Variants in TANC2 observed in about 807,000 individuals in gnomAD.
TANC2 encodes tetratricopeptide repeat, ankyrin repeat and coiled-coil containing 2.
TANC2 carries 26 observed loss-of-function variants against 210.5 expected under a neutral mutation model. That is an observed-to-expected ratio of 0.12 (90% confidence interval 0.09 to 0.17). The LOEUF (loss-of-function observed/expected upper bound fraction) is 0.17, where lower values mean the gene tolerates loss of function less well. Among genes scored for constraint, TANC2 ranks in the 10% least tolerant of loss-of-function variants. The pLI, the probability that TANC2 is intolerant of heterozygous loss-of-function variation, is 1.00. For missense variants in TANC2, 2,129 were observed against 2,608.9 expected (o/e 0.82, Z 4.01); for synonymous variants, 931 against 967.1 (o/e 0.96, Z 0.69).
At chr17:63,096,147 G>C (rs1260210334) in intron 3 of TANC2, among the ~76,000 whole-genome samples, 1 of 152,020 alleles carries the variant, frequency 6.6e-6, no homozygotes, top group Non-Finnish European at 1.5e-5. Context: ...ATCAATGTCA[G>C]ATATATTCAT....
intron 1 of TANC2, among the ~76,000 whole-genome samples, chr17:63,003,675 G>A (rs1007791718): frequency 6.6e-6 from 1 of 152,150 alleles, no homozygotes; most frequent in Non-Finnish European, 1.5e-5. Flanking sequence ...CAGATAAAGG[G>A]GGACTACTGT....
At chr17:63,146,741 A>G (rs1158561421) in intron 4 of TANC2, among the ~76,000 whole-genome samples, 2 of 152,098 alleles carry the variant, frequency 1.3e-5, no homozygotes, top group Non-Finnish European at 2.9e-5. Context: ...TTCTTTGACT[A>G]GATATACTTC....
chr17:63,107,415 A>G (rs892077499), intron 4 of TANC2, among the ~76,000 whole-genome samples: 6 of 151,736 alleles, frequency 4.0e-5, no homozygotes, highest in African/African-American at 1.5e-4. Flanking sequence ...TGCAGATACA[A>G]TTCATGAAGT....
intron 4 of TANC2, among the ~76,000 whole-genome samples, chr17:63,132,945 A>C (rs2038967224): frequency 6.6e-6 from 1 of 152,232 alleles, no homozygotes; most frequent in East Asian, 1.9e-4. Flanking sequence ...CACAATGTTC[A>C]CATATATGCA....
chr17:63,391,072 CT>C (rs1390426754), intron 17 of TANC2: 12 of 152,342 alleles, frequency 7.9e-5, no homozygotes, highest in African/African-American at 2.9e-4. Flanking sequence ...CTCCTCTACA[CT>C]CTTAACCCAC....
chr17:63,389,642 A>G, intron 17 of TANC2, 98 bp downstream of exon 17: 2 of 1,198,178 alleles, frequency 1.7e-6, no homozygotes, highest in South Asian at 1.3e-5. Context: ...GTCTGGGTAG[A>G]GTATATCAAA....
intron 1 of TANC2, among the ~76,000 whole-genome samples, chr17:62,973,274 G>A (rs749217735): frequency 1.3e-4 from 19 of 151,976 alleles, no homozygotes; most frequent in Non-Finnish European, 2.2e-4. Context: ...TCGAATGATC[G>A]GCCCGTCTCA....
At chr17:62,986,417 T>A (rs191638184) in intron 1 of TANC2, among the ~76,000 whole-genome samples, 1 of 152,238 alleles carries the variant, frequency 6.6e-6, no homozygotes, top group East Asian at 1.9e-4. Context: ...TTGGCTGACC[T>A]GGGGATGTGT....
chr17:63,045,451 C>G (rs2035341299), intron 2 of TANC2, among the ~76,000 whole-genome samples: 1 of 152,110 alleles, frequency 6.6e-6, no homozygotes, highest in African/African-American at 2.4e-5. Flanking sequence ...CTTTTTTATA[C>G]TACGTGTTAT....
At chr17:63,256,062 C>T (rs182030258) in intron 8 of TANC2, among the ~76,000 whole-genome samples, 2 of 151,936 alleles carry the variant, frequency 1.3e-5, no homozygotes, top group African/African-American at 4.8e-5. Flanking sequence ...CCCACCACCA[C>T]GCCTGGCTAA....
chr17:63,098,376 A>T (rs1286580470), intron 3 of TANC2, among the ~76,000 whole-genome samples: 1 of 149,760 alleles, frequency 6.7e-6, no homozygotes, highest in East Asian at 2.0e-4. Context: ...TGGGCTTTTA[A>T]CAAAAGTGTT....
intron 13 of TANC2, among the ~76,000 whole-genome samples, chr17:63,354,556 C>G (rs1007755907): frequency 6.6e-6 from 1 of 152,160 alleles, no homozygotes; most frequent in Non-Finnish European, 1.5e-5. Flanking sequence ...CAAAAGCACT[C>G]TTTACAAAGA....
chr17:63,247,890 G>A (rs755870777), intron 8 of TANC2, among the ~76,000 whole-genome samples: 5 of 152,056 alleles, frequency 3.3e-5, no homozygotes, highest in Non-Finnish European at 7.4e-5. Context: ...TTTGTATTAG[G>A]TTGTTTTTTG....
intron 5 of TANC2, among the ~76,000 whole-genome samples, chr17:63,191,812 A>T (rs1227433463): frequency 6.6e-6 from 1 of 152,206 alleles, no homozygotes; most frequent in African/African-American, 2.4e-5. Flanking sequence ...ATTTTAAAAT[A>T]GGAAATGAAA....
At chr17:63,363,511 C>G (rs2047023629) in intron 14 of TANC2, among the ~76,000 whole-genome samples, 1 of 152,228 alleles carries the variant, frequency 6.6e-6, no homozygotes, top group East Asian at 1.9e-4. Flanking sequence ...TTTAAGTTTG[C>G]AATCCATTTT....
rs985703072 is a variant in TANC2 at position 63,421,190 on chromosome 17, G to A, written c.5460G>A (p.Glu1820=). ...TCTGTCACTCAAAACTAGATCTGGA[G>A]CGCTCCTCCAGCCAACTAGGTTCCC... Residue 1820 remains glutamate, a synonymous_variant, in exon 28 of 28, where the codon GAG becomes GAA. Coordinates refer to ENST00000689528, the Ensembl canonical transcript of TANC2. This position sits in a 1 kb window ranked among gnomAD's most constrained non-coding sequence, Gnocchi z 6.9. The A allele has an allele frequency of 9.9e-6, 16 of 1,613,872 alleles. No homozygotes were observed. The African/African-American group carries it at 2.1e-4, about 22-fold the overall frequency.
At chr17:62,983,021 G>A (rs900868066) in intron 1 of TANC2, among the ~76,000 whole-genome samples, 1 of 152,146 alleles carries the variant, frequency 6.6e-6, no homozygotes, top group African/African-American at 2.4e-5. Flanking sequence ...TATTTTGGTA[G>A]GGATTCTATT....
intron 9 of TANC2, among the ~76,000 whole-genome samples, chr17:63,273,139 T>A (rs920473151): frequency 3.0e-4 from 45 of 151,914 alleles, no homozygotes; most frequent in African/African-American, 1.0e-3. Flanking sequence ...TACAAAAAAA[T>A]TTAAAAATTA....
Position 63,104,849 on chromosome 17 carries a change from G to C in TANC2, c.322+5492G>C, listed in dbSNP as rs536742377. 2.6e-5 allele frequency among the ~76,000 whole-genome samples: 4 copies of C among 151,932 alleles called. No homozygotes were observed. In the South Asian group the frequency reaches 6.2e-4, roughly 24 times the overall value. On this transcript the variant is annotated intron_variant, in intron 4 of 27. Transcript: ENST00000689528. ...ATGAACCCTGTCATTTCCTGACTCTGTAATCTCGCTCAAATTTGTTTAAAG... is the reference window on the plus strand; with the variant it reads ...ATGAACCCTGTCATTTCCTGACTCTCTAATCTCGCTCAAATTTGTTTAAAG...
Sources: allele counts gnomAD v4.1 joint callset (sites outside exome capture counted in the v4.1 genomes callset), GRCh38; gene constraint gnomAD v4.1.1; non-coding constraint Gnocchi (gnomAD v3.1); transcripts MANE v1.5; gene names NCBI Gene and HGNC (gene_info 2026-07-23, HGNC 2026-07-21).